The following SH2B1 variants were observed in gnomAD, a reference collection of about 807,000 sequenced individuals.
The protein encoded by SH2B1 is SH2B adapter protein 1.
A neutral mutation model predicts 62.6 loss-of-function variants in SH2B1; 15 were observed. That is an observed-to-expected ratio of 0.24 (90% CI 0.16 to 0.37). SH2B1 has a LOEUF of 0.37. SH2B1 is among the 10% of genes least tolerant of loss of function. The pLI is 1.00. For synonymous variants in SH2B1, 443 were observed against 438.0 expected (o/e 1.01, Z -0.14); for missense variants, 925 against 1,015.6 (o/e 0.91, Z 1.21).
chr16:28,872,707 T>A lies in SH2B1; in HGVS notation c.1897+2T>A. 1 of 1,613,964 alleles carries A rather than the reference T, an allele frequency of 6.2e-7. No homozygotes were observed. Among genetic ancestry groups the A allele is most frequent in the Non-Finnish European group, 8.5e-7 (1 of 1,179,992 alleles). On this transcript the variant is annotated splice_donor_variant, in intron 7 of 7. Coordinates refer to ENST00000684370, the MANE Select transcript of SH2B1 (RefSeq NM_001387430.1). LOFTEE classifies it high-confidence loss of function. The surrounding 1 kb of genome is among the most constrained non-coding windows in gnomAD (Gnocchi z 5.3). ...TCCCATCCTCCCAGCGACAGCAGGG[T>A]GAGCAGAGCAGGTCTGCAGGGGAGG...
chr16:28,851,655 G>A (rs1345167740), intron 1 of SH2B1, among the ~76,000 whole-genome samples: 1 of 150,814 alleles, frequency 6.6e-6, no homozygotes, highest in Non-Finnish European at 1.5e-5. Context: ...AGTAGAGATG[G>A]AGTTTCACCA....
chr16:28,853,025 C>T (rs868722642), intron 1 of SH2B1, among the ~76,000 whole-genome samples: 1 of 53,594 alleles, frequency 1.9e-5, no homozygotes, highest in African/African-American at 9.3e-5. Context: ...TATATATGTA[C>T]ATATATATGT....
At chr16:28,852,806 T>TTATATATA (rs1365048812) in intron 1 of SH2B1, among the ~76,000 whole-genome samples, 4 of 57,598 alleles carry the variant, frequency 6.9e-5, no homozygotes, top group Non-Finnish European at 1.1e-4. Context: ...ACATATATAT[T>TTATATATA]TACATATATT....
chr16:28,863,580 A>G (rs1962523990), upstream of SH2B1: 5 of 1,170,146 alleles, frequency 4.3e-6, no homozygotes, highest in Non-Finnish European at 4.8e-6. Flanking sequence ...TCTATGGTCG[A>G]CATCGCCCCT....
upstream of SH2B1, chr16:28,862,180 C>T (rs977510728): frequency 6.6e-6 from 1 of 152,232 alleles, no homozygotes; most frequent in African/African-American, 2.4e-5. Context: ...CTTTCAACTA[C>T]CCTCCGTACT....
Position 28,865,306 on chromosome 16 carries a change from G to C in SH2B1, c.-789G>C. ...TCACATCTCCTTCACGCAGTGCGTG[G>C]GTGCTGGACTCTGGGGTCAGCTTTC... is the stretch of plus-strand genomic sequence containing the variant. On this transcript the variant is annotated 5_prime_UTR_variant, in exon 1 of 8. Coordinates refer to ENST00000684370, the MANE Select transcript of SH2B1 (RefSeq NM_001387430.1). The C allele has an allele frequency of 6.1e-6, 6 of 985,684 alleles. No homozygotes were observed. The highest frequency in any genetic ancestry group is 7.2e-6 in the Non-Finnish European group (6 of 829,988). The allele number at this position is 985,684 out of a possible 1,614,324, so 61.1% of individuals were successfully genotyped here. A position where few individuals can be genotyped will look rare whatever the true frequency, so the allele number is the denominator to read the frequency against.
In SH2B1 at chr16:28,873,257, C is replaced by T. The variant is rs370302573; in HGVS notation, c.1898-190C>T. The T allele has an allele frequency of 1.4e-5, 23 of 1,607,338 alleles. No individual in the cohort carries two copies. Among genetic ancestry groups the T allele is most frequent in the East Asian group, 2.2e-5 (1 of 44,744 alleles). ...TCCTGCACCCTCATGCCCTTCGGAG[C>T]GAGTGACTGTGTGTAAGTGTGGTCC... On this transcript the variant is annotated intron_variant, in intron 7 of 7. Transcript: ENST00000684370. This position sits in a 1 kb window ranked among gnomAD's most constrained non-coding sequence, Gnocchi z 4.2.
chr16:28,869,273 C>T lies in SH2B1; in HGVS notation c.1199C>T (p.Thr400Ile), dbSNP rs1228150342. The T allele has an allele frequency of 6.2e-7, 1 of 1,614,164 alleles. No homozygotes were observed. The highest frequency in any genetic ancestry group is 1.1e-5 in the South Asian group (1 of 91,078). The change falls in exon 4 of 8, where the codon ACA (threonine) becomes ATA (isoleucine). Residue 400 changes from threonine to isoleucine, a missense_variant. Physicochemically the swap from Thr to Ile is moderately conservative, Grantham distance 89 (BLOSUM62 -1). Coordinates refer to ENST00000684370, the MANE Select transcript of SH2B1 (RefSeq NM_001387430.1). ...CTGGCCCCTGGGACCTCATTCCTTA[C>T]AAGGGAGAACACAGACAGCCTGGAG... Reference protein sequence around the residue: ...LPLAPGTSFLTRENTDSLELS... With the variant: ...LPLAPGTSFLIRENTDSLELS...
chr16:28,847,495 G>A (rs1224941134), intron 1 of SH2B1, among the ~76,000 whole-genome samples: 2 of 152,086 alleles, frequency 1.3e-5, no homozygotes, highest in African/African-American at 4.8e-5. Flanking sequence ...AGACTGGGAA[G>A]CTATATAACA....
upstream of SH2B1, among the ~76,000 whole-genome samples, chr16:28,859,467 C>G (rs1406730726): frequency 1.3e-5 from 2 of 152,124 alleles, no homozygotes; most frequent in African/African-American, 2.4e-5. Context: ...AAGCTATACT[C>G]TTTTTCTGCC....
chr16:28,854,966 C>T (rs1159337655), intron 1 of SH2B1, among the ~76,000 whole-genome samples: 1 of 151,972 alleles, frequency 6.6e-6, no homozygotes, highest in Non-Finnish European at 1.5e-5. Context: ...ACCTCCATCT[C>T]CTGGGTTCAA....
upstream of SH2B1, chr16:28,863,120 G>A: frequency 6.6e-6 from 1 of 151,896 alleles, no homozygotes; most frequent in Non-Finnish European, 1.5e-5. Flanking sequence ...TAGTAGAGAC[G>A]GGGTTTCACC....
chr16:28,852,427 CATATATATTTAT>C lies in SH2B1; in HGVS notation c.-301+5612_-301+5623del, dbSNP rs1281152717. Among the ~76,000 whole-genome samples, 4 of 90,730 alleles carry C rather than the reference CATATATATTTAT, an allele frequency of 4.4e-5. 1 individual carries two copies. The highest frequency in any genetic ancestry group is 9.4e-5 in the African/African-American group (2 of 21,186). The allele number at this position is 90,730 out of a possible 152,430, so 59.5% of individuals were successfully genotyped here. A position where few individuals can be genotyped will look rare whatever the true frequency, so the allele number is the denominator to read the frequency against. ...ATTTACATATATATTTATATATTTACATATATATTTATATATATATTTACATATATATTTATA... is the reference window on the plus strand; with the variant it reads ...ATTTACATATATATTTATATATTTACATATATATTTACATATATATTTATA... On this transcript the variant is annotated intron_variant, in intron 1 of 10. Coordinates refer to the SH2B1 transcript ENST00000322610.
chr16:28,859,868 A>ACC (rs35947134), upstream of SH2B1, among the ~76,000 whole-genome samples: 75 of 75,530 alleles, frequency 9.9e-4, 1 homozygote, highest in Non-Finnish European at 1.3e-3. Flanking sequence ...AAACCAATAG[A>ACC]CCCCCCCCCC....
chr16:28,850,356 C>T (rs1412072026), intron 1 of SH2B1, among the ~76,000 whole-genome samples: 1 of 152,116 alleles, frequency 6.6e-6, no homozygotes, highest in African/African-American at 2.4e-5. Context: ...ACCAGGAGTT[C>T]GAGACCAGCC....
At chr16:28,860,782 T>A (rs1181472169), upstream of SH2B1, among the ~76,000 whole-genome samples, 1 of 150,804 alleles carries the variant, frequency 6.6e-6, no homozygotes, top group Non-Finnish European at 1.5e-5. Context: ...CTCTGGTATG[T>A]GATTTCTGTT....
At chr16:28,852,843 T>TATATATTTTTATATATATTTAC (rs1567459312) in intron 1 of SH2B1, among the ~76,000 whole-genome samples, 1 of 41,502 alleles carries the variant, frequency 2.4e-5, no homozygotes, top group African/African-American at 9.1e-5. Flanking sequence ...TATATATACA[T>TATATATTTTTATATATATTTAC]ATATATATTT....
chr16:28,854,256 A>T (rs183824635), intron 1 of SH2B1, among the ~76,000 whole-genome samples: 92 of 152,152 alleles, frequency 6.0e-4, no homozygotes, highest in African/African-American at 2.2e-3. Context: ...AGCCGTGATC[A>T]CACCACTGCA....
chr16:28,859,525 C>G (rs914079627), upstream of SH2B1, among the ~76,000 whole-genome samples: 1 of 151,964 alleles, frequency 6.6e-6, no homozygotes, highest in African/African-American at 2.4e-5. Context: ...TTGCTACTTA[C>G]GAGATGACAA....
Sources: allele counts gnomAD v4.1 joint callset (sites outside exome capture counted in the v4.1 genomes callset), GRCh38; gene constraint gnomAD v4.1.1; non-coding constraint Gnocchi (gnomAD v3.1); transcripts MANE v1.5; gene names NCBI Gene and HGNC (gene_info 2026-07-23, HGNC 2026-07-21).